RAPGEF4: variants seen among roughly 807,000 people sequenced by gnomAD.
The protein encoded by RAPGEF4 is RAP guanine-nucleotide-exchange factor (GEF) 4.
In RAPGEF4, 66 loss-of-function variants were observed where a neutral mutation model predicts 147.9. The ratio of observed to expected loss-of-function variants is 0.45; its 90% CI spans 0.37 to 0.55. The LOEUF is 0.55. RAPGEF4 is among the 20% of genes least tolerant of loss of function. The pLI, the probability that RAPGEF4 is intolerant of heterozygous loss-of-function variation, is 0.00. For missense variants in RAPGEF4, 1,071 were observed against 1,257.3 expected (o/e 0.85, Z 2.24); for synonymous variants, 419 against 442.7 (o/e 0.95, Z 0.67).
At chr2:172,910,616 G>C (rs1699999572) in intron 4 of RAPGEF4, among the ~76,000 whole-genome samples, 1 of 152,234 alleles carries the variant, frequency 6.6e-6, no homozygotes. Context: ...AATGGCTGGA[G>C]TTGATCTGAG....
At chr2:173,022,453 CA>C (rs144336455) in intron 23 of RAPGEF4, among the ~76,000 whole-genome samples, 4,726 of 152,336 alleles carry the variant, frequency 0.031, 93 homozygotes, top group Middle Eastern at 0.072. Context: ...TTACCTGCCT[CA>C]CATAACTGTG....
chr2:172,831,285 T>TTTTTTTTTA, intron 4 of RAPGEF4, among the ~76,000 whole-genome samples: 1 of 142,218 alleles, frequency 7.0e-6, no homozygotes, highest in Non-Finnish European at 1.5e-5. Context: ...TTTTTTTTTT[T>TTTTTTTTTA]GAGACAGAGT....
chr2:173,036,412 A>G (rs1575578042), intron 28 of RAPGEF4, among the ~76,000 whole-genome samples, 200 bp downstream of exon 28: 1 of 152,206 alleles, frequency 6.6e-6, no homozygotes, highest in East Asian at 1.9e-4. Context: ...GATTTGGAAA[A>G]CTTGTTAGTG....
rs144745397 is a variant in RAPGEF4 at position 173,007,173 on chromosome 2, CCAAG to C, written c.1658+5832_1658+5835del. Reference sequence around the variant, plus strand: ...GTAAATGTTAGAACAAGATTTGAACCCAAGCAGTGTATTGCATTAGGGCACGTCC... The same window carrying C: ...GTAAATGTTAGAACAAGATTTGAACCCAGTGTATTGCATTAGGGCACGTCC... On this transcript the variant is annotated intron_variant, in intron 17 of 30. Transcript: ENST00000397081. 8.9e-3 allele frequency among the ~76,000 whole-genome samples: 1,358 copies of C among 152,226 alleles called. 24 individuals carry two copies. Among genetic ancestry groups the C allele is most frequent in the African/African-American group, 0.029 (1,195 of 41,518 alleles).
At chr2:172,865,226 C>A (rs1406946587) in intron 4 of RAPGEF4, among the ~76,000 whole-genome samples, 1 of 152,194 alleles carries the variant, frequency 6.6e-6, no homozygotes, top group Non-Finnish European at 1.5e-5. Flanking sequence ...TACCCTTCTC[C>A]CCAACACCCA....
chr2:172,994,021 T>A (rs1355570134), intron 15 of RAPGEF4, among the ~76,000 whole-genome samples: 1 of 152,190 alleles, frequency 6.6e-6, no homozygotes, highest in Non-Finnish European at 1.5e-5. Context: ...AGCTAAAGGA[T>A]GTCCAAACAA....
At chr2:172,830,070 C>T (rs190841190) in intron 4 of RAPGEF4, among the ~76,000 whole-genome samples, 28 of 151,930 alleles carry the variant, frequency 1.8e-4, no homozygotes, top group African/African-American at 6.0e-4. Flanking sequence ...TGTTATCTAC[C>T]AAAAGATTAA....
chr2:172,778,679 G>T (rs1684403250), intron 1 of RAPGEF4, among the ~76,000 whole-genome samples: 5 of 152,102 alleles, frequency 3.3e-5, no homozygotes, highest in Non-Finnish European at 5.9e-5. Context: ...CTTTAGAACT[G>T]TATTATTTTC....
chr2:172,802,981 G>A (rs962024566), intron 3 of RAPGEF4, among the ~76,000 whole-genome samples: 10 of 152,218 alleles, frequency 6.6e-5, no homozygotes, highest in Admixed American at 2.6e-4. Flanking sequence ...GGTGGAAGGC[G>A]TGTTCCCATC....
At chr2:172,817,875 G>GATATAT (rs57719631) in intron 4 of RAPGEF4, among the ~76,000 whole-genome samples, 13 of 143,022 alleles carry the variant, frequency 9.1e-5, no homozygotes, top group African/African-American at 3.3e-4. Context: ...AAGAAATTGT[G>GATATAT]ATATATATAT....
intron 4 of RAPGEF4, among the ~76,000 whole-genome samples, chr2:172,855,142 A>G (rs751520853): frequency 2.6e-5 from 4 of 152,156 alleles, no homozygotes; most frequent in Non-Finnish European, 4.4e-5. Flanking sequence ...TTCTAGAAGT[A>G]GGCACCTTCA....
intron 1 of RAPGEF4, 142 bp downstream of exon 1, chr2:172,736,190 C>A: frequency 2.0e-6 from 1 of 499,512 alleles, no homozygotes; most frequent in Non-Finnish European, 3.1e-6. Context: ...GGTTGAGGTC[C>A]TCGTCCGGGA....
At position 172,797,543 on chromosome 2, in the gene RAPGEF4, T is replaced by C. The variant is rs564118034; in HGVS notation, c.227T>C (p.Ile76Thr). The change falls in exon 3 of 31, where the codon ATT (isoleucine) becomes ACT (threonine). Residue 76 changes from isoleucine (I) to threonine (T), a missense_variant. Physicochemically the swap from Ile to Thr is moderately conservative, Grantham distance 89. Transcript: ENST00000397081. The stretch of plus-strand genomic sequence containing the variant: ...TTCCCAGTATTTCGCCAGGGTGATA[T>C]TGGAACAAACTGGTATGCTGTCCTG... Reference protein sequence around the residue: ...KGITLFRQGDIGTNWYAVLAG... With the variant: ...KGITLFRQGDTGTNWYAVLAG... The C allele has an allele frequency of 3.7e-6, 6 of 1,613,568 alleles. No individual in the cohort carries two copies. In the South Asian group the frequency reaches 6.6e-5, roughly 18 times the overall value.
intron 6 of RAPGEF4, among the ~76,000 whole-genome samples, chr2:172,949,811 C>G (rs1688030870): frequency 6.6e-6 from 1 of 152,136 alleles, no homozygotes; most frequent in African/African-American, 2.4e-5. Context: ...TTTATTCAAA[C>G]TAGAATTACA....
At chr2:172,956,159 G>A (rs1026944584) in intron 6 of RAPGEF4, among the ~76,000 whole-genome samples, 2 of 152,140 alleles carry the variant, frequency 1.3e-5, no homozygotes, top group African/African-American at 4.8e-5. Context: ...ACACCCTCCA[G>A]GGTTCCAGCT....
intron 17 of RAPGEF4, among the ~76,000 whole-genome samples, chr2:173,005,318 C>T (rs79465761): frequency 0.35 from 53,413 of 151,666 alleles, 10,410 homozygotes; most frequent in East Asian, 0.78. Flanking sequence ...TAAACTCTGC[C>T]ATATTCTTGT....
Position 172,909,708 on chromosome 2 carries a change from G to C in RAPGEF4, c.445-8094G>C, listed in dbSNP as rs1699925880. Among the ~76,000 whole-genome samples the C allele has an allele frequency of 2.0e-5, 3 of 152,210 alleles. No individual in the cohort carries two copies. In the South Asian group the frequency reaches 6.2e-4, roughly 32 times the overall value. ...GACTTATATGTGCGGGCCTTATTGA[G>C]CACAGGCTTGGCAATCCCCTTAAGT... On this transcript the variant is annotated intron_variant, in intron 4 of 30. Coordinates refer to ENST00000397081, the MANE Select transcript of RAPGEF4 (RefSeq NM_007023.4).
chr2:172,910,785 A>G (rs1700016581), intron 4 of RAPGEF4, among the ~76,000 whole-genome samples: 2 of 152,198 alleles, frequency 1.3e-5, no homozygotes, highest in Admixed American at 6.5e-5. Flanking sequence ...TTTCGAGACC[A>G]AGTGTTCCTG....
chr2:173,034,042 T>C lies in RAPGEF4; in HGVS notation c.2700+78T>C, dbSNP rs2105993784. 5 of 1,382,518 alleles carry C rather than the reference T, an allele frequency of 3.6e-6. No homozygotes were observed. In the East Asian group the frequency reaches 1.2e-4, roughly 32 times the overall value. 85.6% of individuals were successfully genotyped at this position (1,382,518 alleles called of 1,614,324 possible). A position where few individuals can be genotyped will look rare whatever the true frequency, so the allele number is the denominator to read the frequency against. ...CTGATTAGCTGAATTGAAGTTCTCA[T>C]TTTGGAAATTTTATCTGTCCTTATA... is the stretch of plus-strand genomic sequence containing the variant. On this transcript the variant is annotated intron_variant, in intron 27 of 30. Transcript: ENST00000397081.
Sources: gnomAD v4.1 joint callset for allele counts (sites outside exome capture counted in the v4.1 genomes callset) on GRCh38, gnomAD v4.1.1 for gene constraint, MANE v1.5 for transcripts, NCBI Gene and HGNC (gene_info 2026-07-23, HGNC 2026-07-21) for gene names.